The following SLC25A43 variants were observed in gnomAD, a reference collection of about 807,000 sequenced individuals.
The protein encoded by SLC25A43 is solute carrier family 25, member 43.
In SLC25A43, 10 loss-of-function variants were observed where a neutral mutation model predicts 22.8. The ratio of observed to expected loss-of-function variants is 0.44; its 90% CI spans 0.27 to 0.74. The LOEUF is 0.74. Ranked by LOEUF, SLC25A43 falls within the 30% of genes least tolerant of loss-of-function variation. The pLI, the probability that SLC25A43 is intolerant of heterozygous loss-of-function variation, is 0.17. For missense variants in SLC25A43, 233 were observed against 279.1 expected, an observed-to-expected ratio of 0.83 and a Z score of 1.18; for synonymous variants, 106 against 121.6, an observed-to-expected ratio of 0.87 and a Z score of 0.84.
chrX:119,449,509 C>T (rs1421980172), intron 3 of SLC25A43, among the ~76,000 whole-genome samples: 2 of 108,858 alleles, frequency 1.8e-5, no homozygotes, highest in African/African-American at 3.4e-5. Flanking sequence ...GTGGGAGGAT[C>T]ACGTGAGCCC....
chrX:119,427,375 C>T (rs2052516024), intron 3 of SLC25A43, among the ~76,000 whole-genome samples: 1 of 112,202 alleles, frequency 8.9e-6, no homozygotes, highest in Non-Finnish European at 1.9e-5. Flanking sequence ...AGTCAACCCT[C>T]TAGCCTGCCA....
intron 1 of SLC25A43, among the ~76,000 whole-genome samples, chrX:119,401,190 C>G (rs58562467): frequency 1.8e-5 from 2 of 111,410 alleles, no homozygotes; most frequent in Non-Finnish European, 3.8e-5. Context: ...CCGAGCTGAG[C>G]TCCACTACCT....
At position 119,399,688 on chromosome X, in the gene SLC25A43, G is replaced by C. The variant is rs1479447174; in HGVS notation, c.275+10G>C. 2.6e-5 allele frequency: 26 copies of C among 988,635 alleles called. No individual in the cohort carries two copies. The highest frequency in any genetic ancestry group is 2.8e-5 in the Non-Finnish European group (22 of 786,953). 81.5% of individuals were successfully genotyped at this position (988,635 alleles called of 1,213,427 possible). A position where few individuals can be genotyped will look rare whatever the true frequency, so the allele number is the denominator to read the frequency against. Reference sequence around the variant, plus strand: ...TCGCCGCCTACCGCAAGTAAGAGCCGGGCGGGGCCGGGGAACCGGGAGACC... The same window carrying C: ...TCGCCGCCTACCGCAAGTAAGAGCCCGGCGGGGCCGGGGAACCGGGAGACC... On this transcript the variant is annotated intron_variant, in intron 1 of 4. Transcript: ENST00000217909.
At chrX:119,444,786 G>A (rs1242697530) in intron 3 of SLC25A43, among the ~76,000 whole-genome samples, 2 of 109,783 alleles carry the variant, frequency 1.8e-5, no homozygotes, top group East Asian at 2.8e-4. Flanking sequence ...TGTAATCCCA[G>A]CACTTTGGCA....
intron 1 of SLC25A43, among the ~76,000 whole-genome samples, chrX:119,402,076 C>T (rs764987694): frequency 4.5e-5 from 5 of 112,196 alleles, no homozygotes; most frequent in Non-Finnish European, 9.4e-5. Flanking sequence ...CGATGCCATC[C>T]TTCCTACATC....
In SLC25A43 at chrX:119,418,719, G is replaced by C. The variant is rs766269209; in HGVS notation, c.690+8357G>C. ...GAGAATGGAGAGGTAAATAAATTATGCATGTGCATGTCTTGATAGAATGGC... is the reference window on the plus strand; with the variant it reads ...GAGAATGGAGAGGTAAATAAATTATCCATGTGCATGTCTTGATAGAATGGC... On this transcript the variant is annotated intron_variant, in intron 3 of 4. Coordinates refer to ENST00000217909, the MANE Select transcript of SLC25A43 (RefSeq NM_145305.3). 1.9e-3 allele frequency among the ~76,000 whole-genome samples: 217 copies of C among 112,145 alleles called. 1 individual carries two copies. The highest frequency in any genetic ancestry group is 6.6e-3 in the African/African-American group (205 of 30,896).
intron 3 of SLC25A43, among the ~76,000 whole-genome samples, chrX:119,442,427 TAAATC>T (rs747656002): frequency 8.9e-6 from 1 of 112,443 alleles, no homozygotes; most frequent in Non-Finnish European, 1.9e-5. Context: ...TGGCAGATGA[TAAATC>T]AGTCATCTTA....
chrX:119,407,001 T>C (rs1463008504), intron 2 of SLC25A43, among the ~76,000 whole-genome samples: 1 of 113,179 alleles, frequency 8.8e-6, no homozygotes, highest in Non-Finnish European at 1.9e-5. Context: ...TCAGTGTACA[T>C]ACACATTGAT....
intron 3 of SLC25A43, among the ~76,000 whole-genome samples, chrX:119,415,411 G>A (rs1272535456): frequency 9.0e-6 from 1 of 110,624 alleles, no homozygotes; most frequent in African/African-American, 3.3e-5. Flanking sequence ...TTTACCTGGT[G>A]TGGCAGGGTG....
chrX:119,429,681 A>G (rs760846701), intron 3 of SLC25A43, among the ~76,000 whole-genome samples: 11 of 111,842 alleles, frequency 9.8e-5, no homozygotes, highest in Non-Finnish European at 1.5e-4. Context: ...GAACGAAATA[A>G]TTATACACTG....
intron 3 of SLC25A43, among the ~76,000 whole-genome samples, chrX:119,448,637 T>C (rs967903955): frequency 8.9e-6 from 1 of 111,852 alleles, no homozygotes; most frequent in African/African-American, 3.2e-5. Flanking sequence ...AAAGCCATCT[T>C]CTTGGTGAGG....
chrX:119,444,885 A>C (rs2052653434), intron 3 of SLC25A43, among the ~76,000 whole-genome samples: 1 of 107,089 alleles, frequency 9.3e-6, no homozygotes, highest in Non-Finnish European at 1.9e-5. Flanking sequence ...AAATACAAAA[A>C]TTAGCCAGGC....
chrX:119,413,706 C>CA (rs761049328), intron 3 of SLC25A43, among the ~76,000 whole-genome samples: 145 of 46,269 alleles, frequency 3.1e-3, no homozygotes, highest in East Asian at 0.011. Flanking sequence ...GACTCCATCT[C>CA]AAAAAAAAAA....
At chrX:119,407,667 T>C (rs1246399101) in intron 2 of SLC25A43, among the ~76,000 whole-genome samples, 1 of 110,843 alleles carries the variant, frequency 9.0e-6, no homozygotes, top group Non-Finnish European at 1.9e-5. Flanking sequence ...TTCCCAATGG[T>C]AGTATGAGTC....
At chrX:119,401,077 A>C (rs1283506614) in intron 1 of SLC25A43, among the ~76,000 whole-genome samples, 1 of 111,223 alleles carries the variant, frequency 9.0e-6, no homozygotes, top group Admixed American at 9.6e-5. Flanking sequence ...TAGATTTTTT[A>C]AGCTCCTGCC....
intron 3 of SLC25A43, among the ~76,000 whole-genome samples, chrX:119,445,497 G>A (rs1246028336): frequency 9.0e-6 from 1 of 111,715 alleles, no homozygotes. Flanking sequence ...GTCCTGCAAG[G>A]ACATGAGTTA....
chrX:119,443,734 AT>A (rs2052642601), intron 3 of SLC25A43, among the ~76,000 whole-genome samples: 1 of 102,405 alleles, frequency 9.8e-6, no homozygotes, highest in African/African-American at 3.5e-5. Context: ...TTATTTATTT[AT>A]TTATTTATTT....
intron 3 of SLC25A43, among the ~76,000 whole-genome samples, chrX:119,441,437 C>G (rs1340736936): frequency 9.3e-6 from 1 of 107,403 alleles, no homozygotes; most frequent in African/African-American, 3.4e-5. Context: ...TTCTGCGTCG[C>G]TCACGCTGGG....
chrX:119,410,170 T>G lies in SLC25A43; in HGVS notation c.518-20T>G. ...GTTTTCCCAAGACAGCAGCAGCTTC[T>G]CCCTGGCCTTGTTTTGCAGGTGCTC... is the stretch of plus-strand genomic sequence containing the variant. On this transcript the variant is annotated intron_variant, in intron 2 of 4. Coordinates refer to ENST00000217909, the MANE Select transcript of SLC25A43 (RefSeq NM_145305.3). The G allele has an allele frequency of 8.3e-7, 1 of 1,207,658 alleles. No individual in the cohort carries two copies. Among genetic ancestry groups the G allele is most frequent in the Non-Finnish European group, 1.1e-6 (1 of 893,035 alleles).
Sources: allele counts gnomAD v4.1 joint callset (sites outside exome capture counted in the v4.1 genomes callset), GRCh38; gene constraint gnomAD v4.1.1; transcripts MANE v1.5; gene names NCBI Gene and HGNC (gene_info 2026-07-23, HGNC 2026-07-21).